The following MB21D2 variants were observed in gnomAD, a reference collection of about 807,000 sequenced individuals.
The protein encoded by MB21D2 is Mab-21 domain containing 2, also known as nucleotidyltransferase MB21D2.
MB21D2 carries 9 observed loss-of-function variants against 33.3 expected under a neutral mutation model. That is an observed-to-expected ratio of 0.27 (90% CI 0.16 to 0.47). MB21D2 has a LOEUF of 0.47. MB21D2 is among the 20% of genes least tolerant of loss of function. MB21D2 has a pLI of 0.99. For synonymous variants in MB21D2, 241 were observed against 236.3 expected, an observed-to-expected ratio of 1.02 and a Z score of -0.18; for missense variants, 540 against 624.6, an observed-to-expected ratio of 0.86 and a Z score of 1.44.
chr3:192,820,255 G>A (rs1287919280), intron 1 of MB21D2, among the ~76,000 whole-genome samples: 1 of 152,140 alleles, frequency 6.6e-6, no homozygotes, highest in Non-Finnish European at 1.5e-5. Context: ...TAAAATTTAT[G>A]AGTATCATGA....
At chr3:192,911,631 AGGG>A (rs1714356390) in intron 1 of MB21D2, among the ~76,000 whole-genome samples, 1 of 152,060 alleles carries the variant, frequency 6.6e-6, no homozygotes, top group Non-Finnish European at 1.5e-5. Context: ...TGAATTAAAA[AGGG>A]GCTCAGCCTA....
chr3:192,903,916 G>C (rs937495452), intron 1 of MB21D2, among the ~76,000 whole-genome samples: 22 of 152,202 alleles, frequency 1.4e-4, no homozygotes, highest in African/African-American at 5.1e-4. Context: ...GAAACTCTCT[G>C]AGGCTTCACC....
At chr3:192,803,941 G>C (rs1711608746) in intron 1 of MB21D2, among the ~76,000 whole-genome samples, 1 of 152,154 alleles carries the variant, frequency 6.6e-6, no homozygotes. Context: ...CTATTCCCTT[G>C]GGTGGGTCTC....
At chr3:192,880,201 G>GGAATCGTGCTACATAACAACCCCCACTGC (rs1560248391) in intron 1 of MB21D2, among the ~76,000 whole-genome samples, 3 of 151,902 alleles carry the variant, frequency 2.0e-5, no homozygotes, top group Admixed American at 6.6e-5. Flanking sequence ...AAAAAAATTA[G>GGAATCGTGCTACATAACAACCCCCACTGC]CCAGGCGTGG....
chr3:192,881,010 T>C (rs906413037), intron 1 of MB21D2, among the ~76,000 whole-genome samples: 3 of 152,086 alleles, frequency 2.0e-5, no homozygotes, highest in African/African-American at 7.3e-5. Context: ...TATATATAAA[T>C]ACATATAGAT....
At chr3:192,800,955 C>T (rs1349153287) in intron 1 of MB21D2, among the ~76,000 whole-genome samples, 5 of 152,224 alleles carry the variant, frequency 3.3e-5, no homozygotes, top group African/African-American at 9.6e-5. Flanking sequence ...ATGAGCGTGA[C>T]ATCTTCTCGA....
chr3:192,895,698 T>C (rs1363778100), intron 1 of MB21D2, among the ~76,000 whole-genome samples: 1 of 151,132 alleles, frequency 6.6e-6, no homozygotes, highest in Non-Finnish European at 1.5e-5. Flanking sequence ...AGAAACTTCA[T>C]TCTACCTACT....
chr3:192,897,960 A>G (rs1411665179), intron 1 of MB21D2, among the ~76,000 whole-genome samples: 1 of 97,742 alleles, frequency 1.0e-5, no homozygotes, highest in Non-Finnish European at 2.3e-5. Context: ...CCCTGTCTCA[A>G]TAAAAAAAAA....
intron 1 of MB21D2, among the ~76,000 whole-genome samples, chr3:192,861,441 C>T (rs1231990698): frequency 1.3e-5 from 2 of 152,208 alleles, no homozygotes; most frequent in East Asian, 3.9e-4. Context: ...CATAGCTATC[C>T]CCAAATTACG....
At chr3:192,828,797 C>T (rs1053529701) in intron 1 of MB21D2, among the ~76,000 whole-genome samples, 1 of 150,268 alleles carries the variant, frequency 6.7e-6, no homozygotes, top group East Asian at 2.0e-4. Context: ...TACAGGCGCC[C>T]GCCATCACAC....
intron 1 of MB21D2, among the ~76,000 whole-genome samples, chr3:192,887,967 C>A (rs896094118): frequency 6.6e-6 from 1 of 151,968 alleles, no homozygotes. Flanking sequence ...TACTGAGGAA[C>A]AAGGCAACAG....
intron 1 of MB21D2, among the ~76,000 whole-genome samples, chr3:192,891,300 C>A (rs952565157): frequency 6.6e-6 from 1 of 152,202 alleles, no homozygotes; most frequent in African/African-American, 2.4e-5. Context: ...AAGCCAAATT[C>A]AGACTGCAGG....
intron 1 of MB21D2, among the ~76,000 whole-genome samples, chr3:192,808,148 T>G (rs1376722819): frequency 6.6e-6 from 1 of 152,110 alleles, no homozygotes; most frequent in African/African-American, 2.4e-5. Flanking sequence ...ACACAAATCA[T>G]TGGTCAAAAC....
chr3:192,809,551 T>C (rs1462470159), intron 1 of MB21D2, among the ~76,000 whole-genome samples: 1 of 152,194 alleles, frequency 6.6e-6, no homozygotes, highest in Non-Finnish European at 1.5e-5. Context: ...AACAATGTAA[T>C]ACCTTGGGCC....
At chr3:192,828,628 A>T (rs1205708658) in intron 1 of MB21D2, among the ~76,000 whole-genome samples, 11 of 33,412 alleles carry the variant, frequency 3.3e-4, no homozygotes, top group African/African-American at 1.2e-3. Flanking sequence ...ATATATATAT[A>T]TATATATATA....
At chr3:192,881,648 A>T (rs1156872977) in intron 1 of MB21D2, among the ~76,000 whole-genome samples, 1 of 152,140 alleles carries the variant, frequency 6.6e-6, no homozygotes, top group Non-Finnish European at 1.5e-5. Flanking sequence ...AGCTTATGTC[A>T]CAAACTGGCC....
At chr3:192,853,028 G>GTCTCTCTCTCTC (rs10541418) in intron 1 of MB21D2, among the ~76,000 whole-genome samples, 2 of 148,470 alleles carry the variant, frequency 1.3e-5, no homozygotes, top group South Asian at 2.1e-4. Flanking sequence ...ATCTCTCTCT[G>GTCTCTCTCTCTC]TCTCTCTCTC....
chr3:192,911,693 G>A (rs1714359452), intron 1 of MB21D2, among the ~76,000 whole-genome samples: 1 of 52,784 alleles, frequency 1.9e-5, no homozygotes, highest in South Asian at 8.4e-4. Flanking sequence ...GGAATGACAG[G>A]AAGACCCAGG....
chr3:192,902,610 C>T (rs761248315), intron 1 of MB21D2, among the ~76,000 whole-genome samples: 1 of 152,222 alleles, frequency 6.6e-6, no homozygotes, highest in Non-Finnish European at 1.5e-5. Flanking sequence ...GGTTAAGTTT[C>T]TCCATCAGTA....
Sources: allele counts gnomAD v4.1 joint callset (sites outside exome capture counted in the v4.1 genomes callset), GRCh38; gene constraint gnomAD v4.1.1; transcripts MANE v1.5; gene names NCBI Gene and HGNC (gene_info 2026-07-23, HGNC 2026-07-21).